IL1RL1: variants seen among roughly 807,000 people sequenced by gnomAD.
IL1RL1 encodes interleukin-1 receptor-like 1.
Under a neutral mutation model 50.9 loss-of-function variants are expected in IL1RL1, and 32 were observed. That is an observed-to-expected ratio of 0.63 (90% CI 0.47 to 0.84). The LOEUF (loss-of-function observed/expected upper bound fraction) is 0.84. Ranked by LOEUF, IL1RL1 falls within the 40% of genes least tolerant of loss-of-function variation. The pLI, the probability that IL1RL1 is intolerant of heterozygous loss-of-function variation, is 0.00. For missense variants in IL1RL1, 773 were observed against 662.9 expected (o/e 1.17, Z -1.82); for synonymous variants, 275 against 236.0 (o/e 1.17, Z -1.51).
chr2:102,330,069 G>C (rs1677130154), intron 1 of IL1RL1, among the ~76,000 whole-genome samples: 1 of 152,154 alleles, frequency 6.6e-6, no homozygotes, highest in Non-Finnish European at 1.5e-5. Flanking sequence ...ATTCACAATA[G>C]CAAAGACTTG....
At chr2:102,341,736 G>A (rs1008628476) in intron 5 of IL1RL1, among the ~76,000 whole-genome samples, 10 of 152,132 alleles carry the variant, frequency 6.6e-5, no homozygotes, top group African/African-American at 2.2e-4. Flanking sequence ...AGCACTGCCC[G>A]TCTTTCAGCC....
At chr2:102,321,801 G>A (rs1231764847) in intron 1 of IL1RL1, among the ~76,000 whole-genome samples, 1 of 152,176 alleles carries the variant, frequency 6.6e-6, no homozygotes, top group Non-Finnish European at 1.5e-5. Context: ...GCAATACATA[G>A]CAAATTTGAG....
intron 1 of IL1RL1, among the ~76,000 whole-genome samples, chr2:102,326,443 A>G (rs1185181410): frequency 1.3e-5 from 2 of 152,170 alleles, no homozygotes; most frequent in Non-Finnish European, 2.9e-5. Flanking sequence ...AAATGCATCA[A>G]CTAACGAGCA....
chr2:102,322,279 A>G (rs1310040521), intron 1 of IL1RL1, among the ~76,000 whole-genome samples: 1 of 152,094 alleles, frequency 6.6e-6, no homozygotes, highest in East Asian at 1.9e-4. Context: ...CTCACATTCC[A>G]CAGTGCTGTC....
chr2:102,320,187 C>T (rs1188337773), intron 1 of IL1RL1, among the ~76,000 whole-genome samples: 1 of 152,138 alleles, frequency 6.6e-6, no homozygotes, highest in Non-Finnish European at 1.5e-5. Flanking sequence ...TATCGCACAG[C>T]TTTGGTTTGT....
intron 1 of IL1RL1, among the ~76,000 whole-genome samples, chr2:102,316,730 T>C (rs1363573785): frequency 6.6e-6 from 1 of 152,184 alleles, no homozygotes; most frequent in Non-Finnish European, 1.5e-5. Context: ...TGTTACATGA[T>C]ATGGATACCC....
At chr2:102,332,230 T>A (rs184156372) in intron 1 of IL1RL1, among the ~76,000 whole-genome samples, 1 of 152,148 alleles carries the variant, frequency 6.6e-6, no homozygotes, top group Non-Finnish European at 1.5e-5. Flanking sequence ...ACATGATGCA[T>A]AAGTAGAATG....
chr2:102,321,949 T>C (rs895180527), intron 1 of IL1RL1, among the ~76,000 whole-genome samples: 7 of 152,240 alleles, frequency 4.6e-5, no homozygotes, highest in African/African-American at 1.7e-4. Flanking sequence ...CATTGATATG[T>C]GCTGTCTTAG....
intron 1 of IL1RL1, among the ~76,000 whole-genome samples, chr2:102,316,690 TA>T (rs1191158496): frequency 2.6e-5 from 4 of 152,156 alleles, no homozygotes; most frequent in South Asian, 4.1e-4. Context: ...TAGAATTACC[TA>T]AAAAAATTGT....
intron 1 of IL1RL1, among the ~76,000 whole-genome samples, chr2:102,322,582 C>T (rs1230603012): frequency 5.3e-5 from 8 of 152,164 alleles, no homozygotes. Context: ...CTCCCGACTT[C>T]AATACAGTTC....
chr2:102,329,498 T>C (rs1016335100), intron 1 of IL1RL1, among the ~76,000 whole-genome samples: 1 of 152,174 alleles, frequency 6.6e-6, no homozygotes, highest in Non-Finnish European at 1.5e-5. Flanking sequence ...TGGGATCTAA[T>C]TAAACTAAAG....
intron 10 of IL1RL1, among the ~76,000 whole-genome samples, chr2:102,350,824 C>T (rs1398447597): frequency 6.6e-5 from 10 of 152,204 alleles, no homozygotes; most frequent in Non-Finnish European, 4.4e-5. Flanking sequence ...ATCTGCAATC[C>T]CTCAGACACC....
In IL1RL1 at chr2:102,351,552, G is replaced by A. The variant is rs767172367; in HGVS notation, c.1302G>A (p.Val434=). ...MLPGEDVVTA[V]ETNIRKSRRH... is the part of the protein sequence containing the mutation. Reference sequence around the variant, plus strand: ...TATGACTAGATGTAGTCACTGCAGTGGAAACCAACATACGAAAGAGCAGGC... The same window carrying A: ...TATGACTAGATGTAGTCACTGCAGTAGAAACCAACATACGAAAGAGCAGGC... The change falls in exon 11 of 11, where the codon GTG becomes GTA. Residue 434 remains valine, a synonymous_variant. Coordinates refer to ENST00000233954, the MANE Select transcript of IL1RL1 (RefSeq NM_016232.5). The A allele has an allele frequency of 2.5e-6, 4 of 1,613,910 alleles. No individual in the cohort carries two copies. In the East Asian group the frequency reaches 8.9e-5, roughly 36 times the overall value.
intron 1 of IL1RL1, among the ~76,000 whole-genome samples, chr2:102,315,294 A>G (rs1676645405): frequency 1.4e-5 from 2 of 146,008 alleles, no homozygotes; most frequent in South Asian, 2.1e-4. Context: ...CTCCCTGTCT[A>G]CCCACAGGAC....
At chr2:102,314,869 A>G (rs1483970086) in intron 1 of IL1RL1, among the ~76,000 whole-genome samples, 1 of 152,082 alleles carries the variant, frequency 6.6e-6, no homozygotes, top group East Asian at 1.9e-4. Context: ...AGGGGGCTAT[A>G]TGCAGTACTG....
At chr2:102,338,735 C>T in intron 2 of IL1RL1, 102 bp from the exon 3 acceptor site, 3 of 848,922 alleles carry the variant, frequency 3.5e-6, no homozygotes, top group Admixed American at 4.9e-5. Context: ...CAGTATATGA[C>T]CGGCTTCTAA....
chr2:102,341,972 G>A (rs892227543), intron 5 of IL1RL1, among the ~76,000 whole-genome samples: 1 of 151,864 alleles, frequency 6.6e-6, no homozygotes, highest in African/African-American at 2.4e-5. Context: ...TTGTTTAAGT[G>A]ATATCAGAGA....
At chr2:102,329,119 T>C (rs1279207785) in intron 1 of IL1RL1, among the ~76,000 whole-genome samples, 2 of 152,184 alleles carry the variant, frequency 1.3e-5, no homozygotes, top group Non-Finnish European at 2.9e-5. Context: ...CAAAACAGCA[T>C]GGTACTTGTA....
intron 1 of IL1RL1, among the ~76,000 whole-genome samples, chr2:102,323,617 A>T (rs1270857966): frequency 6.6e-6 from 1 of 151,928 alleles, no homozygotes; most frequent in Non-Finnish European, 1.5e-5. Context: ...AGTTCTTTTT[A>T]ACAGCCAGCT....
Sources: allele counts gnomAD v4.1 joint callset (sites outside exome capture counted in the v4.1 genomes callset), GRCh38; gene constraint gnomAD v4.1.1; transcripts MANE v1.5; gene names NCBI Gene and HGNC (gene_info 2026-07-23, HGNC 2026-07-21).